Variants in ZNF385B observed in about 807,000 individuals in gnomAD.
ZNF385B encodes the protein zinc finger protein 533.
A neutral mutation model predicts 39.2 loss-of-function variants in ZNF385B; 23 were observed. That is an observed-to-expected ratio of 0.59 (90% CI 0.42 to 0.83). The LOEUF (loss-of-function observed/expected upper bound fraction) is 0.83, where lower values mean the gene tolerates loss of function less well. Among genes scored for constraint, ZNF385B ranks in the 40% least tolerant of loss-of-function variants. The pLI, the probability that ZNF385B is intolerant of heterozygous loss-of-function variation, is 0.00. For missense variants in ZNF385B, 552 were observed against 598.9 expected, an observed-to-expected ratio of 0.92 and a Z score of 0.82; for synonymous variants, 205 against 222.6, an observed-to-expected ratio of 0.92 and a Z score of 0.70.
intron 3 of ZNF385B, among the ~76,000 whole-genome samples, chr2:179,670,149 G>A (rs545230802): frequency 4.6e-5 from 7 of 151,998 alleles, no homozygotes; most frequent in Non-Finnish European, 8.8e-5. Flanking sequence ...AAAATTAGCC[G>A]GGCGTGATGG....
intron 3 of ZNF385B, among the ~76,000 whole-genome samples, chr2:179,668,308 A>G (rs1695442752): frequency 6.6e-6 from 1 of 152,200 alleles, no homozygotes; most frequent in Non-Finnish European, 1.5e-5. Context: ...CCTTTTCTCT[A>G]TCAAAGGTGC....
At chr2:179,745,266 T>C (rs1702310533) in intron 3 of ZNF385B, among the ~76,000 whole-genome samples, 1 of 152,148 alleles carries the variant, frequency 6.6e-6, no homozygotes, top group African/African-American at 2.4e-5. Flanking sequence ...ACTTTCTTAG[T>C]TATCTCGAAA....
At chr2:179,569,901 G>A (rs1685020688) in intron 3 of ZNF385B, among the ~76,000 whole-genome samples, 1 of 152,198 alleles carries the variant, frequency 6.6e-6, no homozygotes, top group South Asian at 2.1e-4. Flanking sequence ...AAATGTGAAT[G>A]AGTCAAGGAG....
rs72950534 is a variant in ZNF385B at position 179,475,727 on chromosome 2, G to T, written c.715+7545C>A. ...AAACACTTTAAGCATTATACTATAA[G>T]GCTTAAAGTGTTTTTCACTGAAACA... On this transcript the variant is annotated intron_variant, in intron 6 of 9. Coordinates refer to ENST00000410066, the MANE Select transcript of ZNF385B (RefSeq NM_152520.6). Among the ~76,000 whole-genome samples the T allele has an allele frequency of 2.1e-4, 20 of 93,240 alleles. 1 individual carries two copies. The highest frequency in any genetic ancestry group is 8.2e-4 in the South Asian group (2 of 2,436). The allele number at this position is 93,240 out of a possible 152,430, so 61.2% of individuals were successfully genotyped here.
chr2:179,797,265 C>T (rs1705726357), intron 1 of ZNF385B, among the ~76,000 whole-genome samples: 2 of 152,216 alleles, frequency 1.3e-5, no homozygotes, highest in African/African-American at 4.8e-5. Flanking sequence ...TCTTGTGTTT[C>T]ATATATACTC....
intron 1 of ZNF385B, among the ~76,000 whole-genome samples, chr2:179,818,694 GT>G (rs1559222939): frequency 6.6e-6 from 1 of 152,120 alleles, no homozygotes. Context: ...CACACTTCCG[GT>G]CAGTTCGTTC....
At chr2:179,574,820 C>T (rs1345758083) in intron 3 of ZNF385B, among the ~76,000 whole-genome samples, 1 of 152,124 alleles carries the variant, frequency 6.6e-6, no homozygotes, top group African/African-American at 2.4e-5. Flanking sequence ...GGGGGAAGGG[C>T]TTTACCTAAG....
intron 3 of ZNF385B, among the ~76,000 whole-genome samples, chr2:179,588,441 G>T (rs1362546161): frequency 6.6e-6 from 1 of 152,126 alleles, no homozygotes; most frequent in Non-Finnish European, 1.5e-5. Context: ...GAATAGGGAA[G>T]ATTATTTTAC....
intron 3 of ZNF385B, among the ~76,000 whole-genome samples, chr2:179,725,492 T>C (rs538622134): frequency 1.3e-5 from 2 of 151,964 alleles, no homozygotes; most frequent in East Asian, 1.9e-4. Flanking sequence ...ATAAATGTCA[T>C]ATATATTATA....
intron 3 of ZNF385B, among the ~76,000 whole-genome samples, chr2:179,696,663 T>C (rs1698786717): frequency 6.6e-6 from 1 of 152,092 alleles, no homozygotes; most frequent in Non-Finnish European, 1.5e-5. Flanking sequence ...AAGCATGTGC[T>C]TAGAGTACAC....
intron 6 of ZNF385B, among the ~76,000 whole-genome samples, chr2:179,477,697 C>T (rs1176181338): frequency 6.6e-6 from 1 of 152,136 alleles, no homozygotes; most frequent in African/African-American, 2.4e-5. Flanking sequence ...TGGCTCTAGA[C>T]ATGTAAAGTC....
intron 5 of ZNF385B, among the ~76,000 whole-genome samples, chr2:179,484,600 T>C (rs563664029): frequency 2.0e-4 from 30 of 151,800 alleles, no homozygotes; most frequent in South Asian, 6.3e-4. Context: ...TGTGTGTAGG[T>C]TGGTAGTTGG....
intron 1 of ZNF385B, among the ~76,000 whole-genome samples, chr2:179,828,727 G>A (rs962658755): frequency 6.6e-6 from 1 of 152,168 alleles, no homozygotes; most frequent in Admixed American, 6.5e-5. Context: ...ACAGGCCTAT[G>A]TAACCAAATC....
chr2:179,675,468 G>A (rs1438822850), intron 3 of ZNF385B, among the ~76,000 whole-genome samples: 3 of 152,116 alleles, frequency 2.0e-5, no homozygotes, highest in South Asian at 2.1e-4. Context: ...AGTAGTTTTC[G>A]GATAATTGAC....
chr2:179,636,498 G>C (rs1458091614), intron 3 of ZNF385B, among the ~76,000 whole-genome samples: 2 of 152,178 alleles, frequency 1.3e-5, no homozygotes, highest in East Asian at 3.8e-4. Flanking sequence ...AGCTGGAATG[G>C]AACAAAACAG....
chr2:179,484,152 G>T (rs2054310885), intron 5 of ZNF385B, among the ~76,000 whole-genome samples: 1 of 152,038 alleles, frequency 6.6e-6, no homozygotes, highest in African/African-American at 2.4e-5. Context: ...AAAGGAAAAA[G>T]AAAGAGCAAG....
chr2:179,820,571 T>G (rs1373506765), intron 1 of ZNF385B, among the ~76,000 whole-genome samples: 1 of 152,074 alleles, frequency 6.6e-6, no homozygotes, highest in East Asian at 1.9e-4. Context: ...TTCCTCCCAA[T>G]TGTCTAGAAT....
At chr2:179,845,721 T>C (rs1708767240) in intron 1 of ZNF385B, among the ~76,000 whole-genome samples, 1 of 152,188 alleles carries the variant, frequency 6.6e-6, no homozygotes, top group South Asian at 2.1e-4. Flanking sequence ...AGAGTTTCAC[T>C]ATTTGGGAGA....
At position 179,752,684 on chromosome 2, in the gene ZNF385B, A is replaced by G. The variant is rs535930839; in HGVS notation, c.298+16819T>C. ...TTTGATTTGCATTTCTCTGATGTCC[A>G]GTGATGATGAGCATTTTTTCATTTG... On this transcript the variant is annotated intron_variant, in intron 3 of 9. Transcript: ENST00000410066. 2.0e-5 allele frequency among the ~76,000 whole-genome samples: 3 copies of G among 152,226 alleles called. No homozygotes were observed. The South Asian group carries it at 6.2e-4, about 32-fold the overall frequency.
Sources: gnomAD v4.1 joint callset for allele counts (sites outside exome capture counted in the v4.1 genomes callset) on GRCh38, gnomAD v4.1.1 for gene constraint, MANE v1.5 for transcripts, NCBI Gene and HGNC (gene_info 2026-07-23, HGNC 2026-07-21) for gene names.